The following PARD3 variants were observed in gnomAD, a reference collection of about 807,000 sequenced individuals.
PARD3 encodes partitioning defective 3 homolog.
PARD3 carries 75 observed loss-of-function variants against 155.4 expected under a neutral mutation model. That is an observed-to-expected ratio of 0.48 (90% confidence interval 0.40 to 0.58). PARD3 has a LOEUF of 0.58. Among genes scored for constraint, PARD3 ranks in the 20% least tolerant of loss-of-function variants. The pLI is 0.00. For missense variants in PARD3, 1,642 were observed against 1,721.7 expected (o/e 0.95, Z 0.82); for synonymous variants, 576 against 610.5 (o/e 0.94, Z 0.83).
chr10:34,750,210 G>A (rs1225746366), intron 1 of PARD3, among the ~76,000 whole-genome samples: 3 of 151,894 alleles, frequency 2.0e-5, no homozygotes, highest in Admixed American at 6.6e-5. Context: ...AACAAAAAAC[G>A]ATATGGAAGT....
At position 34,793,778 on chromosome 10, in the gene PARD3, C is replaced by CA. The variant is rs113341656; in HGVS notation, c.120+21097dup. On this transcript the variant is annotated intron_variant, in intron 1 of 24. Transcript: ENST00000374788. ...GGGCAACAAGAGTGAAACTCCATCTCAAAAAAAAAAAAAAAATTTTACTCT... is the reference window on the plus strand; with the variant it reads ...GGGCAACAAGAGTGAAACTCCATCTCAAAAAAAAAAAAAAAAATTTTACTCT... Among the ~76,000 whole-genome samples the CA allele has an allele frequency of 3.2e-3, 417 of 130,656 alleles. 1 individual carries two copies. Among genetic ancestry groups the CA allele is most frequent in the African/African-American group, 7.4e-3 (274 of 37,106 alleles). The allele number at this position is 130,656 out of a possible 152,430, so 85.7% of individuals were successfully genotyped here.
chr10:34,530,760 C>G (rs548166223), intron 2 of PARD3, among the ~76,000 whole-genome samples: 1 of 152,314 alleles, frequency 6.6e-6, no homozygotes, highest in East Asian at 1.9e-4. Flanking sequence ...TAATAATGTT[C>G]TATCAGTGGT....
At chr10:34,470,294 T>C (rs1487244340) in intron 3 of PARD3, 31 bp from the exon 4 acceptor site, 1 of 1,487,154 alleles carries the variant, frequency 6.7e-7, no homozygotes, top group African/African-American at 1.4e-5. Flanking sequence ...TGCTGAAAAA[T>C]AAGATACTAA....
intron 22 of PARD3, among the ~76,000 whole-genome samples, chr10:34,193,927 C>G (rs978610444): frequency 6.6e-6 from 1 of 152,124 alleles, no homozygotes; most frequent in African/African-American, 2.4e-5. Flanking sequence ...CTCCTGTGAC[C>G]CTGGGCATGG....
intron 22 of PARD3, among the ~76,000 whole-genome samples, chr10:34,191,650 G>A (rs1465401814): frequency 6.6e-6 from 1 of 151,850 alleles, no homozygotes; most frequent in East Asian, 1.9e-4. Context: ...TTGGGGGTGG[G>A]GGTGGGGGTG....
intron 12 of PARD3, among the ~76,000 whole-genome samples, chr10:34,367,710 C>A (rs1840112623): frequency 6.6e-6 from 1 of 151,962 alleles, no homozygotes; most frequent in African/African-American, 2.4e-5. Context: ...CACACACACA[C>A]ATACACACAC....
intron 22 of PARD3, among the ~76,000 whole-genome samples, chr10:34,189,702 T>C (rs1950624256): frequency 6.6e-6 from 1 of 152,184 alleles, no homozygotes; most frequent in African/African-American, 2.4e-5. Context: ...TGCAATTGAG[T>C]TGTGAGCTGA....
chr10:34,700,221 A>G (rs1411774433), intron 1 of PARD3, among the ~76,000 whole-genome samples: 1 of 152,216 alleles, frequency 6.6e-6, no homozygotes, highest in Non-Finnish European at 1.5e-5. Flanking sequence ...ACAAAACCAC[A>G]TGAAGAATCA....
chr10:34,536,135 T>C lies in PARD3; in HGVS notation c.223-18976A>G, dbSNP rs529936491. On this transcript the variant is annotated intron_variant, in intron 2 of 24. Coordinates refer to ENST00000374788, the MANE Select transcript of PARD3 (RefSeq NM_001184785.2). ...AAAGACTTTGGTGTCTCTCCCACCATTCACCTTGACCTCTACTCAACACCT... is the reference window on the plus strand; with the variant it reads ...AAAGACTTTGGTGTCTCTCCCACCACTCACCTTGACCTCTACTCAACACCT... Among the ~76,000 whole-genome samples the C allele has an allele frequency of 2.6e-5, 4 of 152,312 alleles. No individual in the cohort carries two copies. The South Asian group carries it at 6.2e-4, about 24-fold the overall frequency.
intron 2 of PARD3, among the ~76,000 whole-genome samples, chr10:34,560,107 T>G (rs904874261): frequency 6.6e-6 from 1 of 152,218 alleles, no homozygotes; most frequent in South Asian, 2.1e-4. Context: ...TGGTAAATCT[T>G]TGGCTTCCGA....
rs560217673 is a variant in PARD3, at chr10:34,474,811, T to A, written c.404-4548A>T. On this transcript the variant is annotated intron_variant, in intron 3 of 24. Coordinates refer to ENST00000374788, the MANE Select transcript of PARD3 (RefSeq NM_001184785.2). ...GGTTTGTTTTTTAAAAGAGAAGAAT[T>A]TTGTTGTTTTCCTAGTAGAATTATG... Among the ~76,000 whole-genome samples, 23 of 152,348 alleles carry A rather than the reference T, an allele frequency of 1.5e-4. No homozygotes were observed. The South Asian group carries it at 4.8e-3, about 32-fold the overall frequency.
chr10:34,811,545 C>T (rs934776422), intron 1 of PARD3, among the ~76,000 whole-genome samples: 1 of 152,090 alleles, frequency 6.6e-6, no homozygotes, highest in South Asian at 2.1e-4. Context: ...AATGAGACTC[C>T]CACACACACC....
At chr10:34,402,816 G>A (rs1438883848) in intron 5 of PARD3, among the ~76,000 whole-genome samples, 1 of 152,152 alleles carries the variant, frequency 6.6e-6, no homozygotes, top group African/African-American at 2.4e-5. Flanking sequence ...TCAAAAAGGT[G>A]CATGTGGAAT....
chr10:34,343,474 A>T, intron 15 of PARD3: 1 of 983,554 alleles, frequency 1.0e-6, no homozygotes, highest in Non-Finnish European at 1.2e-6. Flanking sequence ...AATGGCAAGA[A>T]ATCTTCCTCA....
chr10:34,564,185 G>T (rs530854626), intron 2 of PARD3, among the ~76,000 whole-genome samples: 1 of 152,260 alleles, frequency 6.6e-6, no homozygotes, highest in African/African-American at 2.4e-5. Context: ...AATGTTACAT[G>T]TGCATATAAA....
intron 21 of PARD3, among the ~76,000 whole-genome samples, chr10:34,271,121 T>C (rs887678562): frequency 1.3e-5 from 2 of 152,184 alleles, no homozygotes; most frequent in African/African-American, 4.8e-5. Flanking sequence ...TAATCTTTTA[T>C]TGCAGTTATT....
At chr10:34,566,569 T>A (rs1010783324) in intron 2 of PARD3, among the ~76,000 whole-genome samples, 2 of 152,094 alleles carry the variant, frequency 1.3e-5, no homozygotes, top group African/African-American at 4.8e-5. Context: ...CAAACCAAAA[T>A]AAAAATTTAC....
intron 1 of PARD3, among the ~76,000 whole-genome samples, chr10:34,780,336 T>G (rs972024243): frequency 3.3e-5 from 5 of 152,194 alleles, no homozygotes; most frequent in African/African-American, 1.2e-4. Flanking sequence ...TGGAGATCTA[T>G]CTCAATAGCC....
At chr10:34,744,230 G>A (rs7902138) in intron 1 of PARD3, among the ~76,000 whole-genome samples, 2,086 of 152,308 alleles carry the variant, frequency 0.014, 55 homozygotes, top group African/African-American at 0.047. Flanking sequence ...AAGCCAGACA[G>A]TACATTAGCC....
Sources: gnomAD v4.1 joint callset for allele counts (sites outside exome capture counted in the v4.1 genomes callset) on GRCh38, gnomAD v4.1.1 for gene constraint, MANE v1.5 for transcripts, NCBI Gene and HGNC (gene_info 2026-07-23, HGNC 2026-07-21) for gene names.